The following DYNC2H1 variants were observed in gnomAD, a reference collection of about 807,000 sequenced individuals.
DYNC2H1 encodes dynein cytoplasmic 2 heavy chain 1, also known as cytoplasmic dynein 2 heavy chain 1.
In DYNC2H1, 410 loss-of-function variants were observed where a neutral mutation model predicts 570.0. That is an observed-to-expected ratio of 0.72 (90% confidence interval 0.66 to 0.78). The LOEUF (loss-of-function observed/expected upper bound fraction) is 0.78. Ranked by LOEUF, DYNC2H1 falls within the 30% of genes least tolerant of loss-of-function variation. DYNC2H1 has a pLI of 0.00. For missense variants in DYNC2H1, 4,865 were observed against 5,046.4 expected (o/e 0.96, Z 1.09); for synonymous variants, 1,688 against 1,677.6 (o/e 1.01, Z -0.15).
At chr11:103,329,053 T>C (rs1938636604) in intron 82 of DYNC2H1, among the ~76,000 whole-genome samples, 1 of 151,988 alleles carries the variant, frequency 6.6e-6, no homozygotes, top group African/African-American at 2.4e-5. Flanking sequence ...ACTTCAGATG[T>C]AGATATGATA....
chr11:103,151,713 A>G lies in DYNC2H1; in HGVS notation c.2947-423A>G, dbSNP rs181143660. Among the ~76,000 whole-genome samples, 2 of 152,242 alleles carry G rather than the reference A, an allele frequency of 1.3e-5. No homozygotes were observed. Among genetic ancestry groups the G allele is most frequent in the East Asian group, 1.9e-4 (1 of 5,174 alleles). On this transcript the variant is annotated intron_variant, in intron 20 of 88. Transcript: ENST00000375735. The surrounding 1 kb of genome is among the most constrained non-coding windows in gnomAD (Gnocchi z 4.6). ...CCTTTTTTCATGACTTTCCTTCTCT[A>G]TTAAGTCGGATAATTTAGTTAACTT... is the stretch of plus-strand genomic sequence containing the variant.
Position 103,436,145 on chromosome 11 carries a change from ACAT to A in DYNC2H1, c.12456+117_12456+119del. Reference sequence around the variant, plus strand: ...ATTACACTATGATTTTGCACATAAAACATCATATATTCATTATTCTGCCATTTG... The same window carrying A: ...ATTACACTATGATTTTGCACATAAAACATATATTCATTATTCTGCCATTTG... On this transcript the variant is annotated intron_variant, in intron 85 of 88. Transcript: ENST00000375735. 1.1e-5 allele frequency: 9 copies of A among 809,052 alleles called. No homozygotes were observed. In the South Asian group the frequency reaches 2.2e-4, roughly 20 times the overall value. 50.1% of individuals were successfully genotyped at this position (809,052 alleles called of 1,614,324 possible). A position where few individuals can be genotyped will look rare whatever the true frequency, so the allele number is the denominator to read the frequency against.
intron 11 of DYNC2H1, among the ~76,000 whole-genome samples, chr11:103,123,827 C>CT (rs35580299): frequency 6.1e-5 from 9 of 148,610 alleles, no homozygotes; most frequent in African/African-American, 1.5e-4. Flanking sequence ...TCCTCCTGCC[C>CT]TTTTTTTTTT....
chr11:103,152,092 A>G (rs2134872791), intron 20 of DYNC2H1, 44 bp from the exon 21 acceptor site: 2 of 1,477,168 alleles, frequency 1.4e-6, no homozygotes, highest in Non-Finnish European at 1.8e-6. Flanking sequence ...AGATTTGATA[A>G]AATAGGTTGT....
chr11:103,155,576 A>C (rs1860779653), intron 25 of DYNC2H1, 75 bp downstream of exon 25: 1 of 1,416,186 alleles, frequency 7.1e-7, no homozygotes, highest in Non-Finnish European at 9.4e-7. Flanking sequence ...ATTTTGTTTA[A>C]ATACAAAAAA....
chr11:103,249,860 T>C lies in DYNC2H1; in HGVS notation c.10043-3425T>C, dbSNP rs1164464685. Among the ~76,000 whole-genome samples, 1 of 152,050 alleles carries C rather than the reference T, an allele frequency of 6.6e-6. No homozygotes were observed. The highest frequency in any genetic ancestry group is 1.5e-5 in the Non-Finnish European group (1 of 67,960). On this transcript the variant is annotated intron_variant, in intron 65 of 88. Transcript: ENST00000375735. The surrounding 1 kb of genome is among the most constrained non-coding windows in gnomAD (Gnocchi z 4.6). The stretch of plus-strand genomic sequence containing the variant: ...AGTCCCACTCCATTTCTCTTACATA[T>C]ACATAAAAATTAAGATACTAAACCA...
Position 103,439,053 on chromosome 11 carries a change from G to A in DYNC2H1, c.12456+3021G>A, listed in dbSNP as rs1214194045. ...ACTGTGTGAGGTTGCTGAATATAGAGTGGTAAACAAAATAGACATACATCT... is the reference window on the plus strand; with the variant it reads ...ACTGTGTGAGGTTGCTGAATATAGAATGGTAAACAAAATAGACATACATCT... On this transcript the variant is annotated intron_variant, in intron 85 of 88. Coordinates refer to ENST00000375735, the MANE Select transcript of DYNC2H1 (RefSeq NM_001377.3). This position sits in a 1 kb window ranked among gnomAD's most constrained non-coding sequence, Gnocchi z 4.1. 2.6e-5 allele frequency among the ~76,000 whole-genome samples: 4 copies of A among 152,132 alleles called. No homozygotes were observed. The highest frequency in any genetic ancestry group is 2.0e-4 in the Admixed American group (3 of 15,262).
In DYNC2H1 at chr11:103,326,517, C is replaced by T. The variant is rs1938490307; in HGVS notation, c.12039+2527C>T. Among the ~76,000 whole-genome samples the T allele has an allele frequency of 6.6e-6, 1 of 152,194 alleles. No individual in the cohort carries two copies. Among genetic ancestry groups the T allele is most frequent in the South Asian group, 2.1e-4 (1 of 4,830 alleles). On this transcript the variant is annotated intron_variant, in intron 82 of 88. Coordinates refer to ENST00000375735, the MANE Select transcript of DYNC2H1 (RefSeq NM_001377.3). The surrounding 1 kb of genome is among the most constrained non-coding windows in gnomAD (Gnocchi z 6.1). Reference sequence around the variant, plus strand: ...CGCTTCTCCCCAGCTCCAGTGTTGGCCGCAGATCTGGGCTCGGTACTCCTG... The same window carrying T: ...CGCTTCTCCCCAGCTCCAGTGTTGGTCGCAGATCTGGGCTCGGTACTCCTG...
At chr11:103,433,202 AT>A (rs1279543203) in intron 84 of DYNC2H1, among the ~76,000 whole-genome samples, 6 of 152,044 alleles carry the variant, frequency 3.9e-5, no homozygotes, top group Admixed American at 6.6e-5. Context: ...ACTATGAAAT[AT>A]TTTTTATATA....
intron 87 of DYNC2H1, among the ~76,000 whole-genome samples, chr11:103,463,999 A>C (rs187127138): frequency 1.3e-5 from 2 of 152,302 alleles, no homozygotes; most frequent in East Asian, 3.9e-4. Context: ...CTATGGAGGG[A>C]AAATACTGCT....
intron 45 of DYNC2H1, among the ~76,000 whole-genome samples, chr11:103,191,063 G>A (rs1376477948): frequency 7.3e-6 from 1 of 136,266 alleles, no homozygotes; most frequent in African/African-American, 2.8e-5. Flanking sequence ...TTTTTGAGAT[G>A]GAGTCTCGCT....
intron 87 of DYNC2H1, among the ~76,000 whole-genome samples, chr11:103,462,392 G>A (rs1374913054): frequency 7.1e-6 from 1 of 141,572 alleles, no homozygotes; most frequent in Non-Finnish European, 1.6e-5. Context: ...GCACACACGT[G>A]TTGTTTTCTT....
intron 85 of DYNC2H1, among the ~76,000 whole-genome samples, chr11:103,453,552 C>T (rs200457895): frequency 6.7e-6 from 1 of 149,912 alleles, no homozygotes; most frequent in African/African-American, 2.5e-5. Flanking sequence ...AGAGCTTTCC[C>T]TTCTTGACAA....
At chr11:103,356,604 A>G (rs1031195414) in intron 82 of DYNC2H1, among the ~76,000 whole-genome samples, 1 of 152,202 alleles carries the variant, frequency 6.6e-6, no homozygotes, top group African/African-American at 2.4e-5. Context: ...ACTACCAACT[A>G]GTTGTGTTTT....
In DYNC2H1 at chr11:103,248,017, G is replaced by C. The variant is rs142519702; in HGVS notation, c.10042+2643G>C. ...TAGCCATGTTTGTTGACAAGATATA[G>C]GGGCTATGGTGAAATTTCCAGGTAT... On this transcript the variant is annotated intron_variant, in intron 65 of 88. Transcript: ENST00000375735. Among the ~76,000 whole-genome samples, 1,262 of 152,160 alleles carry C rather than the reference G, an allele frequency of 8.3e-3. 14 individuals carry two copies. Among genetic ancestry groups the C allele is most frequent in the Non-Finnish European group, 0.014 (945 of 67,964 alleles).
rs970794981 is a variant in DYNC2H1, at chr11:103,479,342, A to C, written c.*89A>C. ...AACATGTGGTCAGTCTACATTTGAA[A>C]TGTTAGTTCAAAATATTAACATATA... On this transcript the variant is annotated 3_prime_UTR_variant, in exon 89 of 89. Transcript: ENST00000375735. The C allele has an allele frequency of 7.1e-7, 1 of 1,403,564 alleles. No homozygotes were observed. Among genetic ancestry groups the C allele is most frequent in the Non-Finnish European group, 9.4e-7 (1 of 1,060,016 alleles). 86.9% of individuals were successfully genotyped at this position (1,403,564 alleles called of 1,614,324 possible).
intron 83 of DYNC2H1, among the ~76,000 whole-genome samples, chr11:103,397,992 G>A (rs1291009890): frequency 6.6e-6 from 1 of 152,152 alleles, no homozygotes; most frequent in African/African-American, 2.4e-5. Context: ...GAGTGTTTTT[G>A]TTCTATTAAG....
At chr11:103,171,465 A>G (rs1474734648) in intron 34 of DYNC2H1, among the ~76,000 whole-genome samples, 1 of 152,126 alleles carries the variant, frequency 6.6e-6, no homozygotes, top group Non-Finnish European at 1.5e-5. Context: ...CATGTTGGCT[A>G]GGCTGGTATT....
At position 103,439,849 on chromosome 11, in the gene DYNC2H1, T is replaced by C. The variant is rs140343194; in HGVS notation, c.12456+3817T>C. Among the ~76,000 whole-genome samples, 38 of 152,266 alleles carry C rather than the reference T, an allele frequency of 2.5e-4. No individual in the cohort carries two copies. Among genetic ancestry groups the C allele is most frequent in the African/African-American group, 8.7e-4 (36 of 41,546 alleles). On this transcript the variant is annotated intron_variant, in intron 85 of 88. Coordinates refer to ENST00000375735, the MANE Select transcript of DYNC2H1 (RefSeq NM_001377.3). The surrounding 1 kb of genome is among the most constrained non-coding windows in gnomAD (Gnocchi z 4.1). ...GACAGATTACTCTCTTTGGGGAACT[T>C]AGAATTATTTCCCTGGCTTCAAATT...
Sources: gnomAD v4.1 joint callset for allele counts (sites outside exome capture counted in the v4.1 genomes callset) on GRCh38, gnomAD v4.1.1 for gene constraint, Gnocchi (gnomAD v3.1) non-coding constraint, MANE v1.5 for transcripts, NCBI Gene and HGNC (gene_info 2026-07-23, HGNC 2026-07-21) for gene names.